Variants in RSRC1 observed in about 807,000 individuals in gnomAD.
The protein encoded by RSRC1 is serine/Arginine-related protein 53.
RSRC1 carries 39 observed loss-of-function variants against 49.1 expected under a neutral mutation model. That is an observed-to-expected ratio of 0.79 (90% CI 0.61 to 1.04). The LOEUF (loss-of-function observed/expected upper bound fraction) is 1.04, where lower values mean the gene tolerates loss of function less well. Ranked by LOEUF, RSRC1 falls within the 50% of genes least tolerant of loss-of-function variation. The pLI is 0.00. For synonymous variants in RSRC1, 143 were observed against 130.8 expected (o/e 1.09, Z -0.63); for missense variants, 388 against 402.4 (o/e 0.96, Z 0.31).
intron 7 of RSRC1, among the ~76,000 whole-genome samples, chr3:158,477,798 T>TATATATATATATATATATATATATATATA (rs1738432613): frequency 2.2e-5 from 2 of 89,770 alleles, no homozygotes; most frequent in African/African-American, 9.2e-5. Context: ...CGGGAGGGAT[T>TATATATATATATATATATATATATATATA]TATATATATA....
intron 5 of RSRC1, among the ~76,000 whole-genome samples, chr3:158,311,627 T>C (rs1728134358): frequency 6.6e-6 from 1 of 151,930 alleles, no homozygotes; most frequent in Non-Finnish European, 1.5e-5. Context: ...ATGAACAAAT[T>C]CTGGAAATCT....
chr3:158,232,624 C>T (rs1578223827), intron 4 of RSRC1, among the ~76,000 whole-genome samples: 1 of 152,118 alleles, frequency 6.6e-6, no homozygotes, highest in African/African-American at 2.4e-5. Context: ...TGTATTATAA[C>T]ACCTGCTCAA....
chr3:158,428,070 A>G (rs1172108914), intron 6 of RSRC1, among the ~76,000 whole-genome samples: 2 of 151,694 alleles, frequency 1.3e-5, no homozygotes, highest in Admixed American at 1.3e-4. Flanking sequence ...TCCCATTTGG[A>G]ACATTATATT....
intron 3 of RSRC1, among the ~76,000 whole-genome samples, chr3:158,167,826 A>G (rs1432596791): frequency 6.6e-6 from 1 of 152,212 alleles, no homozygotes; most frequent in African/African-American, 2.4e-5. Context: ...GCATATGGAC[A>G]TAACCAAGAC....
chr3:158,256,292 G>A (rs1022527726), intron 4 of RSRC1, among the ~76,000 whole-genome samples: 1 of 152,042 alleles, frequency 6.6e-6, no homozygotes, highest in African/African-American at 2.4e-5. Flanking sequence ...TTTTGTCGAT[G>A]GCCTTTTCAG....
chr3:158,372,115 G>T (rs1732113774), intron 6 of RSRC1, among the ~76,000 whole-genome samples: 1 of 151,846 alleles, frequency 6.6e-6, no homozygotes, highest in South Asian at 2.1e-4. Flanking sequence ...TTCACAGTTT[G>T]TGGCATGTTT....
At chr3:158,470,850 A>C (rs1403937454) in intron 7 of RSRC1, among the ~76,000 whole-genome samples, 1 of 152,188 alleles carries the variant, frequency 6.6e-6, no homozygotes, top group Non-Finnish European at 1.5e-5. Flanking sequence ...GTCATTCCCT[A>C]TTAGACTGGG....
At chr3:158,349,071 A>G (rs1730719798) in intron 5 of RSRC1, among the ~76,000 whole-genome samples, 1 of 145,872 alleles carries the variant, frequency 6.9e-6, no homozygotes, top group Admixed American at 6.6e-5. Flanking sequence ...TTATAGAATG[A>G]TCTCTTTTTT....
At chr3:158,542,884 C>G (rs890252942) in intron 8 of RSRC1, among the ~76,000 whole-genome samples, 2 of 151,966 alleles carry the variant, frequency 1.3e-5, no homozygotes, top group African/African-American at 4.8e-5. Context: ...CTTTTCATAC[C>G]TAAATTGGCC....
At chr3:158,534,555 G>A (rs1157996998) in intron 7 of RSRC1, among the ~76,000 whole-genome samples, 2 of 151,530 alleles carry the variant, frequency 1.3e-5, no homozygotes, top group Non-Finnish European at 3.0e-5. Flanking sequence ...CAGCAAGGGT[G>A]TAAGTCATTA....
chr3:158,427,522 A>C (rs1035772443), intron 6 of RSRC1, among the ~76,000 whole-genome samples: 2 of 151,840 alleles, frequency 1.3e-5, no homozygotes, highest in Non-Finnish European at 2.9e-5. Context: ...TATAATAATC[A>C]GATTGATTTC....
intron 4 of RSRC1, chr3:158,275,841 G>A (rs1460591498): frequency 7.4e-6 from 4 of 539,178 alleles, no homozygotes; most frequent in Admixed American, 2.9e-5. Flanking sequence ...AGAGTATTGC[G>A]CCTTCTCCAA....
intron 3 of RSRC1, among the ~76,000 whole-genome samples, 183 bp downstream of exon 3, chr3:158,124,174 G>A (rs1715464068): frequency 6.6e-6 from 1 of 152,152 alleles, no homozygotes. Context: ...GGAACTGGAT[G>A]GTCTAATGTG....
At chr3:158,309,043 T>C (rs961028529) in intron 5 of RSRC1, among the ~76,000 whole-genome samples, 3 of 151,898 alleles carry the variant, frequency 2.0e-5, no homozygotes, top group Non-Finnish European at 2.9e-5. Context: ...ATTCAAAATA[T>C]GTAATGAAAT....
intron 4 of RSRC1, among the ~76,000 whole-genome samples, chr3:158,227,691 G>T (rs1722605111): frequency 6.6e-6 from 1 of 152,142 alleles, no homozygotes; most frequent in South Asian, 2.1e-4. Context: ...GCATTGGAGA[G>T]AAATGTGAAT....
chr3:158,388,224 C>T (rs1320916195), intron 6 of RSRC1, among the ~76,000 whole-genome samples: 1 of 151,078 alleles, frequency 6.6e-6, no homozygotes, highest in Non-Finnish European at 1.5e-5. Flanking sequence ...TTCTTGTTTC[C>T]ATTATAAAAT....
At chr3:158,372,919 A>C (rs1160923617) in intron 6 of RSRC1, among the ~76,000 whole-genome samples, 4 of 151,848 alleles carry the variant, frequency 2.6e-5, no homozygotes, top group Non-Finnish European at 4.4e-5. Context: ...TGTATTTGTT[A>C]AATTTATTCC....
intron 6 of RSRC1, among the ~76,000 whole-genome samples, chr3:158,430,618 A>G (rs1394167293): frequency 6.6e-6 from 1 of 151,908 alleles, no homozygotes; most frequent in African/African-American, 2.4e-5. Context: ...ACCTGTTGCT[A>G]GGCAATAGGG....
intron 4 of RSRC1, among the ~76,000 whole-genome samples, chr3:158,228,146 T>C (rs1208746593): frequency 1.3e-5 from 2 of 152,170 alleles, no homozygotes; most frequent in East Asian, 3.9e-4. Flanking sequence ...CTTCTTATTT[T>C]AGTGGATAAG....
Sources: gnomAD v4.1 joint callset for allele counts (sites outside exome capture counted in the v4.1 genomes callset) on GRCh38, gnomAD v4.1.1 for gene constraint, MANE v1.5 for transcripts, NCBI Gene and HGNC (gene_info 2026-07-23, HGNC 2026-07-21) for gene names.